KDM3A: variants seen among roughly 807,000 people sequenced by gnomAD.
The protein encoded by KDM3A is lysine demethylase 3A, also known as lysine-specific demethylase 3A.
KDM3A carries 60 observed loss-of-function variants against 158.0 expected under a neutral mutation model. That is an observed-to-expected ratio of 0.38 (90% CI 0.31 to 0.47). The LOEUF is 0.47. Among genes scored for constraint, KDM3A ranks in the 20% least tolerant of loss-of-function variants. The pLI is 0.99. For synonymous variants in KDM3A, 608 were observed against 549.3 expected, an observed-to-expected ratio of 1.11 and a Z score of -1.49; for missense variants, 1,319 against 1,574.3, an observed-to-expected ratio of 0.84 and a Z score of 2.74.
intron 11 of KDM3A, among the ~76,000 whole-genome samples, chr2:86,472,073 T>C (rs1673441136): frequency 6.6e-6 from 1 of 152,096 alleles, no homozygotes; most frequent in African/African-American, 2.4e-5. Flanking sequence ...TATAACTAGA[T>C]TGGATGAGAG....
At chr2:86,489,140 C>T (rs1674331098) in intron 21 of KDM3A, 178 bp from the exon 22 acceptor site, 2 of 660,930 alleles carry the variant, frequency 3.0e-6, no homozygotes, top group African/African-American at 3.7e-5. Context: ...CTGAGTATTC[C>T]TTCTTTTCTT....
intron 12 of KDM3A, 21 bp downstream of exon 12, chr2:86,475,011 GT>G (rs1400913126): frequency 6.3e-7 from 1 of 1,591,752 alleles, no homozygotes; most frequent in Non-Finnish European, 8.6e-7. Flanking sequence ...CTCTTAGGGG[GT>G]AGGATTTTCG....
chr2:86,442,891 C>G (rs145864089), intron 2 of KDM3A, among the ~76,000 whole-genome samples: 1 of 152,064 alleles, frequency 6.6e-6, no homozygotes, highest in African/African-American at 2.4e-5. Context: ...CTTAGAAATA[C>G]TGCACTTGGA....
chr2:86,446,107 A>T (rs548731768), intron 2 of KDM3A, among the ~76,000 whole-genome samples: 127 of 152,314 alleles, frequency 8.3e-4, no homozygotes, highest in African/African-American at 3.0e-3. Context: ...CATATATCAG[A>T]AAGATTTTCT....
chr2:86,473,785 A>G (rs1219939618), intron 11 of KDM3A, among the ~76,000 whole-genome samples: 1 of 152,186 alleles, frequency 6.6e-6, no homozygotes, highest in Non-Finnish European at 1.5e-5. Flanking sequence ...TCAAAAATTT[A>G]AAACTAATAC....
intron 10 of KDM3A, among the ~76,000 whole-genome samples, chr2:86,469,829 A>G (rs1673322267): frequency 6.6e-6 from 1 of 152,214 alleles, no homozygotes; most frequent in African/African-American, 2.4e-5. Context: ...GACATCTACT[A>G]AGTCAGGCCT....
intron 12 of KDM3A, among the ~76,000 whole-genome samples, chr2:86,477,031 C>G (rs1340793954): frequency 6.6e-6 from 1 of 152,204 alleles, no homozygotes; most frequent in African/African-American, 2.4e-5. Flanking sequence ...GCTCATACTT[C>G]TGAAAGCTTG....
At chr2:86,480,446 G>A (rs376726218) in intron 16 of KDM3A, 84 bp downstream of exon 16, 215 of 1,197,756 alleles carry the variant, frequency 1.8e-4, no homozygotes, top group African/African-American at 1.3e-3. Context: ...GTTAGAAGTC[G>A]TGTGGAATGG....
At chr2:86,484,274 T>G in intron 19 of KDM3A, 116 bp downstream of exon 19, 10 of 835,412 alleles carry the variant, frequency 1.2e-5, no homozygotes, top group Non-Finnish European at 1.9e-5. Flanking sequence ...TTTTGGAGTT[T>G]AAAATTAACG....
chr2:86,478,879 C>A, intron 15 of KDM3A, 144 bp downstream of exon 15: 1 of 760,132 alleles, frequency 1.3e-6, no homozygotes, highest in African/African-American at 1.8e-5. Context: ...AGAATTCATA[C>A]AGTTCATGTG....
chr2:86,484,804 A>G, intron 19 of KDM3A, 138 bp from the exon 20 acceptor site: 1 of 557,364 alleles, frequency 1.8e-6, no homozygotes, highest in Non-Finnish European at 3.2e-6. Flanking sequence ...ATATTTGTAT[A>G]CTAAATTTAT....
At chr2:86,437,092 G>C (rs1433199503), upstream of KDM3A, among the ~76,000 whole-genome samples, 1 of 151,972 alleles carries the variant, frequency 6.6e-6, no homozygotes, top group Non-Finnish European at 1.5e-5. Context: ...GATCTACCTG[G>C]AACTTATTTT....
chr2:86,438,677 T>A (rs1682532116), upstream of KDM3A, among the ~76,000 whole-genome samples: 1 of 152,036 alleles, frequency 6.6e-6, no homozygotes, highest in South Asian at 2.1e-4. Flanking sequence ...TTATAAAAAA[T>A]TAGAATTACA....
intron 21 of KDM3A, 146 bp downstream of exon 21, chr2:86,486,005 C>T (rs1035430767): frequency 1.6e-4 from 136 of 832,862 alleles, no homozygotes; most frequent in African/African-American, 1.7e-4. Context: ...TATTTCCTTT[C>T]GTTCCCTGGC....
chr2:86,473,442 A>G (rs909079015), intron 11 of KDM3A, among the ~76,000 whole-genome samples: 26 of 152,134 alleles, frequency 1.7e-4, no homozygotes, highest in Non-Finnish European at 3.5e-4. Context: ...CATTGTGCCT[A>G]GACAGAATAC....
At chr2:86,472,082 A>G (rs1287122493) in intron 11 of KDM3A, among the ~76,000 whole-genome samples, 1 of 151,876 alleles carries the variant, frequency 6.6e-6, no homozygotes, top group Non-Finnish European at 1.5e-5. Flanking sequence ...ATTGGATGAG[A>G]GAGTGGTTTA....
chr2:86,459,136 A>G (rs1672823631), intron 8 of KDM3A, among the ~76,000 whole-genome samples: 1 of 152,154 alleles, frequency 6.6e-6, no homozygotes, highest in South Asian at 2.1e-4. Context: ...TGGTCAGGCA[A>G]TTATTTATGA....
intron 4 of KDM3A, among the ~76,000 whole-genome samples, chr2:86,454,076 T>G (rs1172108641): frequency 6.6e-6 from 1 of 152,250 alleles, no homozygotes; most frequent in Admixed American, 6.5e-5. Flanking sequence ...GTTTCAGAAC[T>G]GGCTTACTCT....
chr2:86,484,950 A>G lies in KDM3A; in HGVS notation c.3103A>G (p.Lys1035Glu). 3 of 1,601,030 alleles carry G rather than the reference A, an allele frequency of 1.9e-6. No individual in the cohort carries two copies. Among genetic ancestry groups the G allele is most frequent in the Non-Finnish European group, 1.7e-6 (2 of 1,168,458 alleles). Residue 1035 changes from lysine (K) to glutamate (E), a missense_variant, in exon 20 of 26, where the codon AAA becomes GAA. Physicochemically the swap from Lys to Glu is moderately conservative, Grantham distance 56 (BLOSUM62 1). Transcript: ENST00000312912. ...TTCTGTTTACCTTTCAGATCGTTTG[A>G]AAAATGAAAAAGAACCAATGGTGTT... ...DGFEDVPNRLKNEKEPMVLKL... is the reference protein window; with the variant it reads ...DGFEDVPNRLENEKEPMVLKL...
Sources: allele counts gnomAD v4.1 joint callset (sites outside exome capture counted in the v4.1 genomes callset), GRCh38; gene constraint gnomAD v4.1.1; transcripts MANE v1.5; gene names NCBI Gene and HGNC (gene_info 2026-07-23, HGNC 2026-07-21).